BSN: variants seen among roughly 807,000 people sequenced by gnomAD.
BSN encodes the protein bassoon presynaptic cytomatrix protein, also known as protein bassoon.
In BSN, 57 loss-of-function variants were observed where a neutral mutation model predicts 264.8. The ratio of observed to expected loss-of-function variants is 0.22; its 90% CI spans 0.17 to 0.27. The LOEUF (loss-of-function observed/expected upper bound fraction) is 0.27. Among genes scored for constraint, BSN ranks in the 10% least tolerant of loss-of-function variants. The probability of loss-of-function intolerance (pLI) is 1.00; values close to 1 mark genes in which losing one functional copy is unlikely to be tolerated. For missense variants in BSN, 4,615 were observed against 5,232.5 expected, an observed-to-expected ratio of 0.88 and a Z score of 3.64; for synonymous variants, 2,059 against 2,137.3, an observed-to-expected ratio of 0.96 and a Z score of 1.01.
chr3:49,672,353 G>A (rs1424428941), downstream of BSN, among the ~76,000 whole-genome samples: 26 of 152,128 alleles, frequency 1.7e-4, no homozygotes, highest in Non-Finnish European at 1.5e-5. Flanking sequence ...AATGCTTGAT[G>A]AACATCCTAT....
chr3:49,644,187 G>A (rs116647077), intron 3 of BSN, among the ~76,000 whole-genome samples: 3 of 152,136 alleles, frequency 2.0e-5, no homozygotes, highest in Non-Finnish European at 4.4e-5. Context: ...GGAGATGTTC[G>A]AGCCAAGGCC....
chr3:49,660,026 G>A lies in BSN; in HGVS notation c.8641-460G>A, dbSNP rs9836291. 0.29 allele frequency among the ~76,000 whole-genome samples: 44,317 copies of A among 151,942 alleles called. 6,939 individuals carry two copies. Among genetic ancestry groups the A allele is most frequent in the Middle Eastern group, 0.32 (93 of 294 alleles). On this transcript the variant is annotated intron_variant, in intron 5 of 11. Transcript: ENST00000296452. The surrounding 1 kb of genome is among the most constrained non-coding windows in gnomAD (Gnocchi z 7.1). The stretch of plus-strand genomic sequence containing the variant: ...CCCATGATCCTCTAGGGAGCCTGGC[G>A]GGCCCAGGACCCTCTCCACTCCATG...
rs368259515 is a variant in BSN at position 49,661,927 on chromosome 3, G to A, written c.10082G>A (p.Arg3361Gln). ...ATCTCCTCAAAGCGCAGCAAGCACC[G>A]GAAGCAGGGCATGGAGCAAAAGATA... ...AAISSKRSKH[R>Q]KQGMEQKISK... The change falls in exon 6 of 12, where the codon CGG (arginine) becomes CAG (glutamine). Residue 3361 changes from arginine (R) to glutamine (Q), a missense_variant. Coordinates refer to ENST00000296452, the MANE Select transcript of BSN (RefSeq NM_003458.4). 1.9e-5 allele frequency: 31 copies of A among 1,613,800 alleles called. No homozygotes were observed. The highest frequency in any genetic ancestry group is 2.5e-5 in the Non-Finnish European group (29 of 1,180,050).
chr3:49,613,350 A>AGAGAGAGAGAC (rs1553662899), intron 1 of BSN, among the ~76,000 whole-genome samples: 2 of 18,052 alleles, frequency 1.1e-4, no homozygotes. Flanking sequence ...GAGAGAGAGA[A>AGAGAGAGAGAC]GGGCTGGCCC....
Position 49,654,310 on chromosome 3 carries a change from C to G in BSN, c.4754C>G (p.Thr1585Ser), listed in dbSNP as rs571689034. 9 of 1,613,762 alleles carry G rather than the reference C, an allele frequency of 5.6e-6. No homozygotes were observed. In the East Asian group the frequency reaches 2.0e-4, roughly 36 times the overall value. ...SASTSPLCSP[T>S]ETQPTTHGYS... is the part of the protein sequence containing the mutation. ...TCCACCTCCCCGCTCTGCTCACCTACTGAAACCCAGCCCACCACCCATGGC... is the reference window on the plus strand; with the variant it reads ...TCCACCTCCCCGCTCTGCTCACCTAGTGAAACCCAGCCCACCACCCATGGC... The change falls in exon 5 of 12, where the codon ACT (threonine) becomes AGT (serine). Residue 1585 changes from threonine (T) to serine (S), a missense_variant. Around this residue, in one of 3 missense-constraint regions of BSN, gnomAD observed 3,415 missense variants for 3,866.4 expected, o/e 0.88. Coordinates refer to ENST00000296452, the MANE Select transcript of BSN (RefSeq NM_003458.4). This position sits in a 1 kb window ranked among gnomAD's most constrained non-coding sequence, Gnocchi z 4.1.
chr3:49,612,767 CA>C (rs2052218449), intron 1 of BSN, among the ~76,000 whole-genome samples: 3 of 152,102 alleles, frequency 2.0e-5, no homozygotes, highest in Non-Finnish European at 1.5e-5. Flanking sequence ...ACAAAAGGAA[CA>C]CAAAAATATT....
At chr3:49,627,311 T>G (rs1398336923) in intron 2 of BSN, among the ~76,000 whole-genome samples, 1 of 152,202 alleles carries the variant, frequency 6.6e-6, no homozygotes, top group Non-Finnish European at 1.5e-5. Flanking sequence ...ATTGCTGACC[T>G]GGTCCCTTCT....
Position 49,661,456 on chromosome 3 carries a change from G to A in BSN, c.9611G>A (p.Gly3204Asp). 6.2e-7 allele frequency: 1 copy of A among 1,613,268 alleles called. No homozygotes were observed. The highest frequency in any genetic ancestry group is 8.5e-7 in the Non-Finnish European group (1 of 1,179,872). The change falls in exon 6 of 12, where the codon GGC becomes GAC. Residue 3204 changes from glycine (G) to aspartate (D), a missense_variant. Gly to Asp is a moderately conservative substitution (Grantham distance 94). Coordinates refer to ENST00000296452, the MANE Select transcript of BSN (RefSeq NM_003458.4). Reference sequence around the variant, plus strand: ...GAGGTGCCCCGGGCTGGTGACCGTGGCAGTGTGAGCCAGAGCCCAGCCCCC... The same window carrying A: ...GAGGTGCCCCGGGCTGGTGACCGTGACAGTGTGAGCCAGAGCCCAGCCCCC... ...VPEVPRAGDR[G>D]SVSQSPAPTY...
At chr3:49,641,292 ATC>A (rs2052460866) in intron 2 of BSN, among the ~76,000 whole-genome samples, 2 of 152,206 alleles carry the variant, frequency 1.3e-5, no homozygotes, top group Non-Finnish European at 2.9e-5. Context: ...CATTCTTAGC[ATC>A]TCTCTGTATG....
intron 1 of BSN, among the ~76,000 whole-genome samples, chr3:49,605,344 A>C (rs1384478070): frequency 2.3e-5 from 2 of 87,804 alleles, no homozygotes; most frequent in Non-Finnish European, 4.2e-5. Flanking sequence ...TATATATAAT[A>C]TATAAATATA....
chr3:49,586,083 T>C (rs1249494736), intron 1 of BSN, among the ~76,000 whole-genome samples: 2 of 152,336 alleles, frequency 1.3e-5, no homozygotes, highest in East Asian at 3.9e-4. Context: ...TATCCTTTGC[T>C]GTGCAGAAGC....
At chr3:49,607,943 C>T (rs1203697187) in intron 1 of BSN, among the ~76,000 whole-genome samples, 8 of 152,198 alleles carry the variant, frequency 5.3e-5, no homozygotes, top group African/African-American at 1.9e-4. Context: ...GGCTGTTACC[C>T]CACATCAGGC....
At chr3:49,628,712 TGAG>T (rs2052362105) in intron 2 of BSN, among the ~76,000 whole-genome samples, 1 of 152,212 alleles carries the variant, frequency 6.6e-6, no homozygotes, top group Non-Finnish European at 1.5e-5. Flanking sequence ...TGTTTACAGA[TGAG>T]GAGACTGAGT....
chr3:49,669,111 G>A lies in BSN; in HGVS notation c.*1626G>A, dbSNP rs1277103071. The A allele has an allele frequency of 1.3e-5, 2 of 152,526 alleles. No homozygotes were observed. The highest frequency in any genetic ancestry group is 2.9e-5 in the Non-Finnish European group (2 of 68,026). 9.4% of individuals were successfully genotyped at this position (152,526 alleles called of 1,614,324 possible). A position where few individuals can be genotyped will look rare whatever the true frequency, so the allele number is the denominator to read the frequency against. On this transcript the variant is annotated 3_prime_UTR_variant, in exon 12 of 12. Transcript: ENST00000296452. Reference sequence around the variant, plus strand: ...TGCACAGCTCGCAGCCTCTTTGCACGATTTCATCCATTTTAAATGCTTGAC... The same window carrying A: ...TGCACAGCTCGCAGCCTCTTTGCACAATTTCATCCATTTTAAATGCTTGAC...
intron 1 of BSN, among the ~76,000 whole-genome samples, chr3:49,593,563 T>G (rs915250012): frequency 2.0e-5 from 3 of 152,300 alleles, no homozygotes; most frequent in Middle Eastern, 3.4e-3. Context: ...AGTATTTGGT[T>G]GTTTTTTCAT....
At position 49,597,402 on chromosome 3, in the gene BSN, C is replaced by T. The variant is rs57654941; in HGVS notation, c.225-27573C>T. Among the ~76,000 whole-genome samples, 732 of 152,224 alleles carry T rather than the reference C, an allele frequency of 4.8e-3. 8 individuals carry two copies. The highest frequency in any genetic ancestry group is 0.017 in the African/African-American group (689 of 41,532). On this transcript the variant is annotated intron_variant, in intron 1 of 11. Transcript: ENST00000296452. ...ACATGTTCACATCTTACTACAGCCTCGACTTCCCAGGCTCAAGCAATTCTC... is the reference window on the plus strand; with the variant it reads ...ACATGTTCACATCTTACTACAGCCTTGACTTCCCAGGCTCAAGCAATTCTC...
intron 1 of BSN, among the ~76,000 whole-genome samples, chr3:49,596,543 T>G (rs896911544): frequency 6.6e-6 from 1 of 152,232 alleles, no homozygotes; most frequent in Admixed American, 6.5e-5. Flanking sequence ...TTTGTAGAGA[T>G]GAAGTCTCAC....
chr3:49,639,623 C>G (rs1452135107), intron 2 of BSN, among the ~76,000 whole-genome samples: 2 of 152,198 alleles, frequency 1.3e-5, no homozygotes, highest in African/African-American at 4.8e-5. Context: ...CTTTGGGGGG[C>G]TCTGCCAGGG....
At chr3:49,626,329 C>G (rs2052340804) in intron 2 of BSN, among the ~76,000 whole-genome samples, 1 of 152,152 alleles carries the variant, frequency 6.6e-6, no homozygotes, top group South Asian at 2.1e-4. Flanking sequence ...TTAACAGCAG[C>G]TGGAGCCGTT....
Sources: allele counts gnomAD v4.1 joint callset (sites outside exome capture counted in the v4.1 genomes callset), GRCh38; gene constraint gnomAD v4.1.1; regional missense constraint gnomAD v4.1.1; non-coding constraint Gnocchi (gnomAD v3.1); transcripts MANE v1.5; gene names NCBI Gene and HGNC (gene_info 2026-07-23, HGNC 2026-07-21).